Variants in MMD2 observed in about 807,000 individuals in gnomAD.
The protein encoded by MMD2 is monocyte to macrophage differentiation factor 2.
MMD2 carries 30 observed loss-of-function variants against 33.5 expected under a neutral mutation model. The observed-to-expected ratio is 0.90, with a 90% CI of 0.67 to 1.22. The LOEUF (loss-of-function observed/expected upper bound fraction) is 1.22, where lower values mean the gene tolerates loss of function less well. MMD2 is among the 50% of genes most tolerant of loss of function. The pLI is 0.00. For synonymous variants in MMD2, 129 were observed against 123.0 expected (o/e 1.05, Z -0.32); for missense variants, 364 against 325.4 (o/e 1.12, Z -0.91).
At chr7:4,931,251 T>C (rs1179939855) in intron 1 of MMD2, among the ~76,000 whole-genome samples, 3 of 152,086 alleles carry the variant, frequency 2.0e-5, no homozygotes, top group Non-Finnish European at 4.4e-5. Context: ...GCTCGAGCAA[T>C]CCTCCCACCT....
intron 1 of MMD2, among the ~76,000 whole-genome samples, chr7:4,953,515 G>A (rs1786306007): frequency 6.6e-6 from 1 of 150,722 alleles, no homozygotes; most frequent in South Asian, 2.1e-4. Flanking sequence ...CTATCGCCCA[G>A]GCTGGAGTGC....
chr7:4,958,150 G>A (rs910928509), intron 1 of MMD2, among the ~76,000 whole-genome samples: 2 of 152,172 alleles, frequency 1.3e-5, no homozygotes, highest in Non-Finnish European at 2.9e-5. Flanking sequence ...AGAGGCCCCC[G>A]CGGGCTGCTC....
chr7:4,944,971 A>G (rs1786016392), intron 1 of MMD2, among the ~76,000 whole-genome samples: 1 of 149,814 alleles, frequency 6.7e-6, no homozygotes, highest in Admixed American at 6.7e-5. Context: ...GGGTTTCACC[A>G]TGTTAGCCAG....
Position 4,959,063 on chromosome 7 carries a change from A to G in MMD2, c.-46T>C, listed in dbSNP as rs1786468928. ...CTGGCCCCGGGCTCAGAGCGCGGGT[A>G]GCTGGCAGAGCCTGGGGGGCGCGGC... On this transcript the variant is annotated 5_prime_UTR_variant, in exon 1 of 7. Transcript: ENST00000401401. 10 of 1,242,752 alleles carry G rather than the reference A, an allele frequency of 8.0e-6. No homozygotes were observed. The highest frequency in any genetic ancestry group is 1.6e-5 in the African/African-American group (1 of 63,734). The allele number at this position is 1,242,752 out of a possible 1,614,324, so 77.0% of individuals were successfully genotyped here.
At chr7:4,948,371 A>G (rs1399837611) in intron 1 of MMD2, among the ~76,000 whole-genome samples, 2 of 152,124 alleles carry the variant, frequency 1.3e-5, no homozygotes, top group African/African-American at 4.8e-5. Flanking sequence ...AAATACAAAA[A>G]TTAGCTGGAC....
intron 1 of MMD2, among the ~76,000 whole-genome samples, chr7:4,943,087 G>A (rs1461477000): frequency 7.5e-6 from 1 of 133,600 alleles, no homozygotes; most frequent in Non-Finnish European, 1.5e-5. Flanking sequence ...TCAGCTCATT[G>A]CAACCTCCAC....
chr7:4,911,268 CCATGG>C, intron 4 of MMD2, 22 bp from the exon 5 acceptor site: 1 of 1,558,252 alleles, frequency 6.4e-7, no homozygotes, highest in South Asian at 1.2e-5. Context: ...AGAGCCAAGG[CCATGG>C]CCCTGAGGGG....
chr7:4,908,705 T>C (rs546541511), intron 6 of MMD2, among the ~76,000 whole-genome samples: 18 of 151,718 alleles, frequency 1.2e-4, no homozygotes, highest in Admixed American at 3.9e-4. Context: ...GAGACCAGCC[T>C]GGCCAACATA....
intron 1 of MMD2, among the ~76,000 whole-genome samples, chr7:4,934,491 G>A (rs1380100186): frequency 1.3e-5 from 2 of 152,194 alleles, no homozygotes; most frequent in Non-Finnish European, 2.9e-5. Flanking sequence ...CCTCGACGGT[G>A]GGAAACTTCT....
chr7:4,925,516 C>T lies in MMD2; in HGVS notation c.64G>A (p.Val22Ile), dbSNP rs1166633774. The change falls in exon 2 of 7, where the codon GTC becomes ATC. Residue 22 changes from valine (V) to isoleucine (I), a missense_variant. Coordinates refer to ENST00000401401, the MANE Select transcript of MMD2 (RefSeq NM_198403.4). ...TKYARFMNHR[V>I]PAHKRYQPTE... ...GGCTGGTACCTCTTGTGGGCAGGGA[C>T]TCGGTGGTTCATGAACCTGGAAGGA... is the stretch of plus-strand genomic sequence containing the variant. 1 of 1,574,704 alleles carries T rather than the reference C, an allele frequency of 6.4e-7. No homozygotes were observed. Among genetic ancestry groups the T allele is most frequent in the Non-Finnish European group, 8.6e-7 (1 of 1,158,326 alleles).
intron 1 of MMD2, among the ~76,000 whole-genome samples, chr7:4,937,395 A>G (rs1246621904): frequency 6.6e-6 from 1 of 151,770 alleles, no homozygotes; most frequent in Admixed American, 6.6e-5. Context: ...AGACTCTGTC[A>G]CAAAAAGAAA....
chr7:4,902,366 G>A (rs908687448), downstream of MMD2, among the ~76,000 whole-genome samples: 2 of 152,254 alleles, frequency 1.3e-5, no homozygotes, highest in African/African-American at 4.8e-5. Context: ...GGAGGCTTGG[G>A]TATTAGATAG....
At chr7:4,958,513 T>G (rs1227840522) in intron 1 of MMD2, among the ~76,000 whole-genome samples, 1 of 152,108 alleles carries the variant, frequency 6.6e-6, no homozygotes, top group Admixed American at 6.5e-5. Context: ...TACTCTTTCC[T>G]CCGACTTGCT....
chr7:4,934,289 A>G (rs1050588848), intron 1 of MMD2, among the ~76,000 whole-genome samples: 2 of 149,138 alleles, frequency 1.3e-5, no homozygotes, highest in African/African-American at 4.9e-5. Flanking sequence ...TTTTTAGCGG[A>G]GACAGGGTTT....
chr7:4,923,867 G>C (rs761318242), intron 2 of MMD2, among the ~76,000 whole-genome samples: 1 of 152,124 alleles, frequency 6.6e-6, no homozygotes, highest in Non-Finnish European at 1.5e-5. Flanking sequence ...AACCCAGTGT[G>C]GGCTGGGCAC....
chr7:4,915,433 T>G (rs1426975397), intron 4 of MMD2, among the ~76,000 whole-genome samples: 3 of 151,870 alleles, frequency 2.0e-5, no homozygotes, highest in African/African-American at 4.8e-5. Flanking sequence ...TGCATACATA[T>G]GTACATATTA....
downstream of MMD2, among the ~76,000 whole-genome samples, chr7:4,903,508 A>C (rs1309701481): frequency 1.3e-5 from 2 of 152,184 alleles, no homozygotes; most frequent in Non-Finnish European, 2.9e-5. Context: ...TCCAGTGGGA[A>C]AGGCAGCTCT....
downstream of MMD2, among the ~76,000 whole-genome samples, chr7:4,904,929 C>G (rs969168614): frequency 3.9e-5 from 6 of 152,196 alleles, no homozygotes; most frequent in African/African-American, 1.4e-4. Context: ...AGAGGGGAAG[C>G]CCCTAAGTCA....
chr7:4,927,939 T>G (rs2115116744), intron 1 of MMD2, among the ~76,000 whole-genome samples: 1 of 152,130 alleles, frequency 6.6e-6, no homozygotes, highest in East Asian at 1.9e-4. Context: ...TGGTTCTGCC[T>G]TGACGCAAGT....
Sources: allele counts gnomAD v4.1 joint callset (sites outside exome capture counted in the v4.1 genomes callset), GRCh38; gene constraint gnomAD v4.1.1; transcripts MANE v1.5; gene names NCBI Gene and HGNC (gene_info 2026-07-23, HGNC 2026-07-21).